PASD1: variants seen among roughly 807,000 people sequenced by gnomAD.
The protein encoded by PASD1 is circadian clock protein PASD1.
In PASD1, 13 loss-of-function variants were observed where a neutral mutation model predicts 58.8. The ratio of observed to expected loss-of-function variants is 0.22; its 90% CI spans 0.14 to 0.35. PASD1 has a LOEUF of 0.35. Among genes scored for constraint, PASD1 ranks in the 10% least tolerant of loss-of-function variants. The pLI is 1.00. For missense variants in PASD1, 734 were observed against 568.3 expected (o/e 1.29, Z -2.96); for synonymous variants, 236 against 216.7 (o/e 1.09, Z -0.78).
intron 1 of PASD1, among the ~76,000 whole-genome samples, chrX:151,600,177 T>G (rs1223497367): frequency 1.8e-5 from 2 of 110,647 alleles, no homozygotes; most frequent in Non-Finnish European, 3.8e-5. Flanking sequence ...GGCAGGAGAA[T>G]CAGTCAGGGA....
In PASD1 at chrX:151,624,034, T is replaced by G. The variant is rs1337149121; in HGVS notation, c.546+970T>G. 2.7e-5 allele frequency among the ~76,000 whole-genome samples: 3 copies of G among 111,412 alleles called. No homozygotes were observed. The South Asian group carries it at 1.1e-3, about 42-fold the overall frequency. Reference sequence around the variant, plus strand: ...ATTGGAAAGCAGGAAGGTGACATGATCTGATTTTCTTTTTTAAAGGTCAGG... The same window carrying G: ...ATTGGAAAGCAGGAAGGTGACATGAGCTGATTTTCTTTTTTAAAGGTCAGG... On this transcript the variant is annotated intron_variant, in intron 7 of 15. Coordinates refer to ENST00000370357, the MANE Select transcript of PASD1 (RefSeq NM_173493.3).
intron 8 of PASD1, 89 bp downstream of exon 8, chrX:151,625,619 A>AT (rs753062879): frequency 0.022 from 15,381 of 704,827 alleles, 411 homozygotes; most frequent in African/African-American, 0.14. Context: ...ACCTACAGAT[A>AT]TTTTTTTTCC....
intron 9 of PASD1, among the ~76,000 whole-genome samples, chrX:151,653,486 C>G (rs2124299981): frequency 9.0e-6 from 1 of 110,816 alleles, no homozygotes; most frequent in East Asian, 2.8e-4. Flanking sequence ...GCCACCGTGC[C>G]TGGCCTTCTG....
intron 9 of PASD1, among the ~76,000 whole-genome samples, chrX:151,650,018 T>C (rs894090723): frequency 1.8e-5 from 2 of 112,525 alleles, no homozygotes; most frequent in African/African-American, 6.5e-5. Flanking sequence ...TCCGAATAAG[T>C]ACCTCTGCTT....
intron 8 of PASD1, among the ~76,000 whole-genome samples, chrX:151,641,353 C>G (rs1468705224): frequency 9.0e-6 from 1 of 111,494 alleles, no homozygotes; most frequent in Non-Finnish European, 1.9e-5. Flanking sequence ...ATTGAATTTT[C>G]TTAGCTATGC....
chrX:151,638,365 G>A (rs1321478211), intron 8 of PASD1, among the ~76,000 whole-genome samples: 1 of 108,040 alleles, frequency 9.3e-6, no homozygotes, highest in Admixed American at 1.0e-4. Flanking sequence ...GATGGATGCA[G>A]CAAACCAACA....
chrX:151,627,028 A>G (rs2013797259), intron 8 of PASD1, among the ~76,000 whole-genome samples: 1 of 111,593 alleles, frequency 9.0e-6, no homozygotes, highest in Non-Finnish European at 1.9e-5. Flanking sequence ...CCTTTGCTTG[A>G]TTAAAAATTC....
At position 151,600,250 on chromosome X, in the gene PASD1, C is replaced by T. The variant is rs147004004; in HGVS notation, c.-27-1277C>T. 4.6e-3 allele frequency among the ~76,000 whole-genome samples: 485 copies of T among 105,915 alleles called. 5 individuals are homozygous for T. The highest frequency in any genetic ancestry group is 0.016 in the African/African-American group (471 of 28,560). The allele number at this position is 105,915 out of a possible 115,157, so 92.0% of individuals were successfully genotyped here. A position where few individuals can be genotyped will look rare whatever the true frequency, so the allele number is the denominator to read the frequency against. On this transcript the variant is annotated intron_variant, in intron 1 of 15. Transcript: ENST00000370357. ...CCTTAGCTCGGCATCAGAGGGAGACCGTGCAAAGAGAGAGACGAGGGAGAG... is the reference window on the plus strand; with the variant it reads ...CCTTAGCTCGGCATCAGAGGGAGACTGTGCAAAGAGAGAGACGAGGGAGAG...
chrX:151,618,308 A>C (rs994405788), intron 4 of PASD1, among the ~76,000 whole-genome samples: 2 of 112,223 alleles, frequency 1.8e-5, no homozygotes, highest in Non-Finnish European at 3.8e-5. Context: ...GTAGATTATT[A>C]ATGCTAATCA....
At chrX:151,575,805 C>G (rs775929994) in intron 1 of PASD1, among the ~76,000 whole-genome samples, 79 of 110,402 alleles carry the variant, frequency 7.2e-4, no homozygotes, top group Non-Finnish European at 1.2e-3. Context: ...GCTGGGACTA[C>G]AGACATGTAG....
intron 4 of PASD1, among the ~76,000 whole-genome samples, chrX:151,614,269 G>A (rs963418426): frequency 9.0e-6 from 1 of 111,703 alleles, no homozygotes; most frequent in African/African-American, 3.3e-5. Flanking sequence ...AAAAGCGTGA[G>A]CCACCATGCC....
chrX:151,578,890 A>T (rs976910599), intron 1 of PASD1, among the ~76,000 whole-genome samples: 3 of 112,212 alleles, frequency 2.7e-5, no homozygotes, highest in Non-Finnish European at 5.6e-5. Context: ...CTGAAGAGTT[A>T]AAGAAAAGAG....
At position 151,581,986 on chromosome X, in the gene PASD1, C is replaced by CTTT. The variant is rs72381794; in HGVS notation, c.-28+18163_-28+18165dup. On this transcript the variant is annotated intron_variant, in intron 1 of 15. Coordinates refer to ENST00000370357, the MANE Select transcript of PASD1 (RefSeq NM_173493.3). ...CTTGAATCTTTTTTTTTTCTTTTTCCTTTTTTTTTTTTTTTTTTGAGAAGG... is the reference window on the plus strand; with the variant it reads ...CTTGAATCTTTTTTTTTTCTTTTTCCTTTTTTTTTTTTTTTTTTTTTGAGAAGG... Among the ~76,000 whole-genome samples the CTTT allele has an allele frequency of 1.4e-3, 107 of 74,271 alleles. 1 individual carries two copies. The highest frequency in any genetic ancestry group is 3.0e-3 in the African/African-American group (56 of 18,567). The allele number at this position is 74,271 out of a possible 115,157, so 64.5% of individuals were successfully genotyped here.
intron 1 of PASD1, among the ~76,000 whole-genome samples, chrX:151,588,750 T>G (rs778753356): frequency 1.8e-5 from 2 of 112,215 alleles, no homozygotes; most frequent in Non-Finnish European, 3.8e-5. Flanking sequence ...ATGTTCTCTC[T>G]TAGTCTCTCT....
chrX:151,590,335 G>A (rs1217956303), intron 1 of PASD1, among the ~76,000 whole-genome samples: 1 of 111,879 alleles, frequency 8.9e-6, no homozygotes, highest in African/African-American at 3.2e-5. Flanking sequence ...ATGAATTACA[G>A]TGCTTTAGTC....
At chrX:151,616,459 C>G (rs1381048562) in intron 4 of PASD1, among the ~76,000 whole-genome samples, 2 of 108,971 alleles carry the variant, frequency 1.8e-5, no homozygotes, top group Non-Finnish European at 3.8e-5. Context: ...AAACTTTTAT[C>G]TGAAACCTGC....
rs1057093146 is a variant in PASD1, at chrX:151,621,679, C to T, written c.418+87C>T. The T allele has an allele frequency of 1.2e-5, 7 of 570,857 alleles. No homozygotes were observed. The African/African-American group carries it at 1.4e-4, about 12-fold the overall frequency. The allele number at this position is 570,857 out of a possible 1,213,427, so 47.0% of individuals were successfully genotyped here. ...AACATAAATGCTCTTCTGCTTGGTA[C>T]TTGCAAACTGTCTGATATCCCTATG... On this transcript the variant is annotated intron_variant, in intron 6 of 15. Transcript: ENST00000370357.
intron 8 of PASD1, among the ~76,000 whole-genome samples, chrX:151,632,492 G>C (rs1163083124): frequency 9.0e-6 from 1 of 111,493 alleles, no homozygotes; most frequent in African/African-American, 3.3e-5. Context: ...CAACTGTGAG[G>C]GAAGGACCCA....
At chrX:151,591,762 T>C (rs2013252401) in intron 1 of PASD1, among the ~76,000 whole-genome samples, 1 of 111,502 alleles carries the variant, frequency 9.0e-6, no homozygotes, top group Non-Finnish European at 1.9e-5. Flanking sequence ...TCTGTGGATT[T>C]TGAGTGTGTG....
Sources: gnomAD v4.1 joint callset for allele counts (sites outside exome capture counted in the v4.1 genomes callset) on GRCh38, gnomAD v4.1.1 for gene constraint, MANE v1.5 for transcripts, NCBI Gene and HGNC (gene_info 2026-07-23, HGNC 2026-07-21) for gene names.